The following OSBPL9 variants were observed in gnomAD, a reference collection of about 807,000 sequenced individuals.
The protein encoded by OSBPL9 is oxysterol-binding protein-related protein 9.
In OSBPL9, 40 loss-of-function variants were observed where a neutral mutation model predicts 106.6. The observed-to-expected ratio is 0.38, with a 90% CI of 0.29 to 0.49. The LOEUF (loss-of-function observed/expected upper bound fraction) is 0.49. OSBPL9 is among the 20% of genes least tolerant of loss of function. The pLI is 0.97. For missense variants in OSBPL9, 609 were observed against 887.2 expected (o/e 0.69, Z 3.98); for synonymous variants, 269 against 295.4 (o/e 0.91, Z 0.92).
intron 17 of OSBPL9, 52 bp downstream of exon 17, chr1:51,782,695 AAG>A: frequency 6.5e-7 from 1 of 1,534,280 alleles, no homozygotes; most frequent in Non-Finnish European, 9.0e-7. Context: ...ATTCTGTCTA[AAG>A]AGGGTCATTA....
the OSBPL9 span, among the ~76,000 whole-genome samples, chr1:51,541,908 G>T: frequency 6.6e-6 from 1 of 151,242 alleles, no homozygotes; most frequent in Admixed American, 6.6e-5. Flanking sequence ...TATTTTTTGA[G>T]ACAGGGTCTG....
At chr1:51,519,140 G>A in the OSBPL9 span, 1 of 1,251,464 alleles carries the variant, frequency 8.0e-7, no homozygotes, top group Non-Finnish European at 1.1e-6. Flanking sequence ...GCGAAGCTGA[G>A]GGCGGTGGGG....
At chr1:51,676,423 C>G (rs1174543273) in intron 3 of OSBPL9, among the ~76,000 whole-genome samples, 1 of 151,326 alleles carries the variant, frequency 6.6e-6, no homozygotes, top group Non-Finnish European at 1.5e-5. Context: ...CAGTGAGATG[C>G]CTTCTCAAAA....
chr1:51,724,583 C>G (rs1427934313), intron 4 of OSBPL9, among the ~76,000 whole-genome samples: 1 of 152,110 alleles, frequency 6.6e-6, no homozygotes, highest in Non-Finnish European at 1.5e-5. Context: ...CACGCCTGGC[C>G]CACTCTTCTT....
At chr1:51,546,521 A>C in the OSBPL9 span, among the ~76,000 whole-genome samples, 17 of 151,778 alleles carry the variant, frequency 1.1e-4, 1 homozygote, top group South Asian at 4.2e-4. Flanking sequence ...CACGGTGAAA[A>C]CCTGTCTCTA....
intron 2 of OSBPL9, among the ~76,000 whole-genome samples, chr1:51,663,149 A>G (rs1647493649): frequency 1.3e-5 from 2 of 152,204 alleles, no homozygotes; most frequent in South Asian, 4.1e-4. Context: ...TTTAGGAATA[A>G]ATATTAACAA....
chr1:51,592,765 T>C (rs1429359167), intron 1 of OSBPL9, among the ~76,000 whole-genome samples: 2 of 152,162 alleles, frequency 1.3e-5, no homozygotes, highest in African/African-American at 4.8e-5. Flanking sequence ...TTCCAGAGCA[T>C]TTCCTAAATA....
chr1:51,634,717 T>C (rs1488524972), intron 1 of OSBPL9, among the ~76,000 whole-genome samples: 2 of 152,172 alleles, frequency 1.3e-5, no homozygotes, highest in East Asian at 3.9e-4. Context: ...TGTATTAGTC[T>C]GTTCTCACGC....
rs545400126 is a variant in OSBPL9, at chr1:51,638,782, C to G, written c.112-13209C>G. On this transcript the variant is annotated intron_variant, in intron 1 of 23. Transcript: ENST00000428468. ...CTATGATTGCACCACTGCACTCCAG[C>G]CTAGGTGACAGAGTAAGACTCTGTC... 3.3e-5 allele frequency among the ~76,000 whole-genome samples: 5 copies of G among 151,840 alleles called. No homozygotes were observed. In the East Asian group the frequency reaches 9.7e-4, roughly 29 times the overall value.
intron 2 of OSBPL9, among the ~76,000 whole-genome samples, chr1:51,654,693 G>A (rs1189515706): frequency 6.6e-6 from 1 of 152,014 alleles, no homozygotes; most frequent in Non-Finnish European, 1.5e-5. Flanking sequence ...AAAAAATGTG[G>A]TATATAAATA....
intron 2 of OSBPL9, among the ~76,000 whole-genome samples, chr1:51,608,963 T>A (rs146638384): frequency 1.3e-5 from 2 of 152,272 alleles, no homozygotes; most frequent in East Asian, 3.9e-4. Context: ...CATCCCTTTT[T>A]TTTTCACTTC....
chr1:51,708,352 C>T (rs541098692), intron 3 of OSBPL9, among the ~76,000 whole-genome samples: 4 of 144,096 alleles, frequency 2.8e-5, no homozygotes, highest in Non-Finnish European at 6.0e-5. Flanking sequence ...TTTGTTGAGA[C>T]TTGTTTTAGG....
intron 3 of OSBPL9, among the ~76,000 whole-genome samples, chr1:51,691,703 T>A (rs181700984): frequency 1.7e-4 from 26 of 152,280 alleles, no homozygotes; most frequent in African/African-American, 5.8e-4. Context: ...TAAAAATATT[T>A]TCTTTATATC....
chr1:51,728,845 G>A (rs1310328055), intron 4 of OSBPL9, among the ~76,000 whole-genome samples: 1 of 152,176 alleles, frequency 6.6e-6, no homozygotes, highest in Admixed American at 6.5e-5. Context: ...TGTTTGTGCA[G>A]TGTGCCCTGT....
rs866666811 is a variant in OSBPL9, at chr1:51,592,154, G to A, written c.-422-5970G>A. Among the ~76,000 whole-genome samples the A allele has an allele frequency of 2.9e-4, 35 of 119,438 alleles. 1 individual carries two copies. In the Middle Eastern group the frequency reaches 0.026, roughly 90 times the overall value. 78.4% of individuals were successfully genotyped at this position (119,438 alleles called of 152,430 possible). On this transcript the variant is annotated intron_variant, in intron 1 of 25. Transcript: ENST00000371714. ...TTTTGAGACGGAGTCTCGCTCTGTC[G>A]CCCAGGCTGGAGTGCAGTGGCGCAA...
At chr1:51,665,716 C>T (rs185407179) in intron 2 of OSBPL9, among the ~76,000 whole-genome samples, 5 of 152,162 alleles carry the variant, frequency 3.3e-5, no homozygotes, top group Admixed American at 2.0e-4. Flanking sequence ...TAGCTAGGTT[C>T]GAGTCTTCAA....
intron 1 of OSBPL9, among the ~76,000 whole-genome samples, chr1:51,585,650 C>T (rs572856040): frequency 1.3e-5 from 2 of 151,990 alleles, no homozygotes; most frequent in Admixed American, 6.6e-5. Flanking sequence ...GTGGTGCGCA[C>T]CTGTAATCCC....
rs192571813 is a variant in OSBPL9, at chr1:51,686,366, G to T, written c.241+16854G>T. On this transcript the variant is annotated intron_variant, in intron 3 of 23. Transcript: ENST00000428468. Reference sequence around the variant, plus strand: ...AAACCTATGCTCTTTTCATCACATGGTGCTGCTTGTTCATGCCTTTCCTTC... The same window carrying T: ...AAACCTATGCTCTTTTCATCACATGTTGCTGCTTGTTCATGCCTTTCCTTC... Among the ~76,000 whole-genome samples, 45 of 152,268 alleles carry T rather than the reference G, an allele frequency of 3.0e-4. No homozygotes were observed. The South Asian group carries it at 5.8e-3, about 20-fold the overall frequency.
intron 4 of OSBPL9, among the ~76,000 whole-genome samples, chr1:51,738,464 G>GA (rs199892447): frequency 6.6e-6 from 1 of 151,778 alleles, no homozygotes; most frequent in Non-Finnish European, 1.5e-5. Context: ...ATTCTTTTAT[G>GA]AAAAAAACTT....
Sources: allele counts gnomAD v4.1 joint callset (sites outside exome capture counted in the v4.1 genomes callset), GRCh38; gene constraint gnomAD v4.1.1; transcripts MANE v1.5; gene names NCBI Gene and HGNC (gene_info 2026-07-23, HGNC 2026-07-21).